MSH6: variants seen among roughly 807,000 people sequenced by gnomAD.
The protein encoded by MSH6 is mutS homolog 6.
Under a neutral mutation model 119.1 loss-of-function variants are expected in MSH6, and 85 were observed. That is an observed-to-expected ratio of 0.71 (90% CI 0.60 to 0.85). MSH6 has a LOEUF of 0.85. Among genes scored for constraint, MSH6 ranks in the 40% least tolerant of loss-of-function variants. The pLI is 0.00. For synonymous variants in MSH6, 830 were observed against 586.9 expected (o/e 1.41, Z -5.99); for missense variants, 2,163 against 1,655.3 (o/e 1.31, Z -5.32).
chr2:47,809,725 A>G, downstream of MSH6: 1 of 1,531,510 alleles, frequency 6.5e-7, no homozygotes, highest in Non-Finnish European at 9.0e-7. Context: ...AAAATTTACA[A>G]ACAAGTAGAT....
chr2:47,806,204 G>T lies in MSH6; in HGVS notation c.3647G>T (p.Gly1216Val), dbSNP rs770329467. ...CCTTATGCATATTTTACTTTAACAG[G>T]AAGAGGTACTGCAACATTTGATGGG... ...AHSLVLVDEL[G>V]RGTATFDGTA... Residue 1216 changes from glycine (G) to valine (V), a missense_variant and splice_region_variant, in exon 8 of 10, where the codon GGA (glycine) becomes GTA (valine). Coordinates refer to ENST00000234420, the MANE Select transcript of MSH6 (RefSeq NM_000179.3). The T allele has an allele frequency of 6.2e-7, 1 of 1,613,840 alleles. No individual in the cohort carries two copies. Among genetic ancestry groups the T allele is most frequent in the Non-Finnish European group, 8.5e-7 (1 of 1,179,828 alleles).
chr2:47,798,711 G>A lies in MSH6; in HGVS notation c.728G>A (p.Arg243His), dbSNP rs370157832. 15 of 1,613,962 alleles carry A rather than the reference G, an allele frequency of 9.3e-6. No individual in the cohort carries two copies. Among genetic ancestry groups the A allele is most frequent in the Middle Eastern group, 1.6e-4 (1 of 6,082 alleles). ...PKTQGSRRSSRQIKKRRVISD... is the reference protein window; with the variant it reads ...PKTQGSRRSSHQIKKRRVISD... ...ACACAAGGATCTAGGCGAAGTAGCC[G>A]CCAAATAAAAAAACGAAGGGTCATA... The change falls in exon 4 of 10, where the codon CGC becomes CAC. Residue 243 changes from arginine to histidine, a missense_variant. Transcript: ENST00000234420.
chr2:47,809,484 A>T (rs1051174863), downstream of MSH6: 8 of 800,134 alleles, frequency 1.0e-5, no homozygotes, highest in African/African-American at 1.4e-4. Flanking sequence ...TTCAAAATCT[A>T]TCTTAAACTG....
At chr2:47,805,290 C>G (rs374286959) in intron 6 of MSH6, among the ~76,000 whole-genome samples, 9 of 152,024 alleles carry the variant, frequency 5.9e-5, no homozygotes, top group African/African-American at 2.2e-4. Context: ...AGTGATTCTC[C>G]TGCCTCAGCC....
intron 1 of MSH6, among the ~76,000 whole-genome samples, chr2:47,788,713 G>T (rs1166876561): frequency 6.9e-6 from 1 of 145,022 alleles, no homozygotes; most frequent in African/African-American, 2.6e-5. Context: ...GGGATTACAG[G>T]CGCCTGCCAC....
chr2:47,791,719 C>T (rs924278611), intron 2 of MSH6, among the ~76,000 whole-genome samples: 3 of 147,890 alleles, frequency 2.0e-5, no homozygotes, highest in Non-Finnish European at 4.5e-5. Context: ...CACTCTGTTG[C>T]CTAGGCTGGA....
rs766608409 is a variant in MSH6, at chr2:47,803,624, A to G, written c.3377A>G (p.Lys1126Arg). Residue 1126 changes from lysine (K) to arginine (R), a missense_variant, in exon 5 of 10, where the codon AAA becomes AGA. Transcript: ENST00000234420. ...GAGGAAGAGGAGCAGGAAAATGGCAAAGCCTATTGTGTGCTTGTTACTGGA... is the reference window on the plus strand; with the variant it reads ...GAGGAAGAGGAGCAGGAAAATGGCAGAGCCTATTGTGTGCTTGTTACTGGA... ...GCEEEEQENG[K>R]AYCVLVTGPN... The G allele has an allele frequency of 3.1e-6, 5 of 1,614,092 alleles. No individual in the cohort carries two copies. The highest frequency in any genetic ancestry group is 4.2e-6 in the Non-Finnish European group (5 of 1,180,036).
At chr2:47,796,195 A>T in intron 3 of MSH6, 132 bp downstream of exon 3, 2 of 924,832 alleles carry the variant, frequency 2.2e-6, no homozygotes, top group Non-Finnish European at 3.4e-6. Flanking sequence ...ACATACATGC[A>T]TACTTCTGTA....
At chr2:47,790,375 T>C (rs1668652777) in intron 1 of MSH6, among the ~76,000 whole-genome samples, 1 of 152,202 alleles carries the variant, frequency 6.6e-6, no homozygotes, top group African/African-American at 2.4e-5. Context: ...CCTCAGTTGT[T>C]GACTTGAGTT....
rs587782326 is a variant in MSH6, at chr2:47,806,628, G to GA, written c.3980dup (p.Asn1327LysfsTer14). 6.2e-7 allele frequency: 1 copy of GA among 1,611,364 alleles called. No individual in the cohort carries two copies. On this transcript the variant is annotated frameshift_variant, in exon 9 of 10. Transcript: ENST00000234420. LOFTEE classifies it high-confidence loss of function. ...GAAAAGCAAGAGAATTTGAGAAGAT[G>GA]AATCAGTCACTACGATTATTTCGGT...
At chr2:47,796,789 T>A (rs1669124241) in intron 3 of MSH6, among the ~76,000 whole-genome samples, 1 of 152,098 alleles carries the variant, frequency 6.6e-6, no homozygotes. Context: ...AGTGAAACCC[T>A]GTTTCTATAA....
At chr2:47,802,138 C>T (rs78380118) in intron 4 of MSH6, among the ~76,000 whole-genome samples, 8,412 of 152,254 alleles carry the variant, frequency 0.055, 248 homozygotes, top group Non-Finnish European at 0.07. Context: ...CATCTGCATA[C>T]AATTTTAAAA....
downstream of MSH6, chr2:47,808,466 T>C: frequency 6.6e-7 from 1 of 1,508,144 alleles, no homozygotes; most frequent in Non-Finnish European, 8.9e-7. Context: ...CTCAAACATG[T>C]CATTAATGCA....
At chr2:47,794,908 C>T (rs1376190256) in intron 2 of MSH6, among the ~76,000 whole-genome samples, 1 of 152,118 alleles carries the variant, frequency 6.6e-6, no homozygotes, top group African/African-American at 2.4e-5. Context: ...GATTCTCCTT[C>T]CTCAGCCTCC....
intron 1 of MSH6, among the ~76,000 whole-genome samples, chr2:47,785,636 C>G (rs1459330820): frequency 6.6e-6 from 1 of 152,136 alleles, no homozygotes; most frequent in African/African-American, 2.4e-5. Flanking sequence ...TTTAAGCGAC[C>G]CTTTCCCGCA....
chr2:47,795,936 G>C lies in MSH6; in HGVS notation c.500G>C (p.Ser167Thr), dbSNP rs1669056436. ...GCCCAGAAGGGAGGTCATTTTTACA[G>C]TGCAAAGCCTGAAATACTGAGAGCA... ...KEAQKGGHFY[S>T]AKPEILRAMQ... The change falls in exon 3 of 10, where the codon AGT becomes ACT. Residue 167 changes from serine (S) to threonine (T), a missense_variant. Transcript: ENST00000234420. 6.2e-7 allele frequency: 1 copy of C among 1,614,090 alleles called. No homozygotes were observed. The highest frequency in any genetic ancestry group is 8.5e-7 in the Non-Finnish European group (1 of 1,179,976).
chr2:47,786,646 G>C (rs901064870), intron 1 of MSH6, among the ~76,000 whole-genome samples: 1 of 152,024 alleles, frequency 6.6e-6, no homozygotes, highest in African/African-American at 2.4e-5. Flanking sequence ...GAGCCACCGT[G>C]TCTGTCCGAG....
chr2:47,784,146 C>T (rs1668200286), intron 1 of MSH6: 2 of 982,136 alleles, frequency 2.0e-6, no homozygotes, highest in South Asian at 9.6e-5. Flanking sequence ...GCTGCGAGCG[C>T]GGGGGGGTGT....
intron 1 of MSH6, chr2:47,783,808 C>A: frequency 1.8e-6 from 1 of 544,520 alleles, no homozygotes; most frequent in Non-Finnish European, 2.3e-6. Flanking sequence ...GAAGGGGCGA[C>A]GCGCGCAGCT....
Sources: allele counts gnomAD v4.1 joint callset (sites outside exome capture counted in the v4.1 genomes callset), GRCh38; gene constraint gnomAD v4.1.1; transcripts MANE v1.5; gene names NCBI Gene and HGNC (gene_info 2026-07-23, HGNC 2026-07-21).